The following FAF1 variants were observed in gnomAD, a reference collection of about 807,000 sequenced individuals.
FAF1 encodes the protein Fas associated factor 1, also known as FAS-associated factor 1.
FAF1 carries 25 observed loss-of-function variants against 92.5 expected under a neutral mutation model. The observed-to-expected ratio is 0.27, with a 90% CI of 0.20 to 0.38. FAF1 has a LOEUF of 0.38. Ranked by LOEUF, FAF1 falls within the 10% of genes least tolerant of loss-of-function variation. The pLI, the probability that FAF1 is intolerant of heterozygous loss-of-function variation, is 1.00. For missense variants in FAF1, 636 were observed against 793.3 expected, an observed-to-expected ratio of 0.80 and a Z score of 2.38; for synonymous variants, 234 against 273.2, an observed-to-expected ratio of 0.86 and a Z score of 1.42.
intron 7 of FAF1, among the ~76,000 whole-genome samples, chr1:50,665,394 T>C (rs991088370): frequency 3.3e-5 from 5 of 152,226 alleles, no homozygotes; most frequent in African/African-American, 1.2e-4. Flanking sequence ...TACAAGGATA[T>C]TCATTGCAGC....
intron 7 of FAF1, among the ~76,000 whole-genome samples, chr1:50,692,447 C>T (rs1656980512): frequency 6.6e-6 from 1 of 152,130 alleles, no homozygotes; most frequent in African/African-American, 2.4e-5. Flanking sequence ...TTTCCTCATT[C>T]CTACCCGTCC....
At chr1:50,881,812 A>C (rs2124689263) in intron 1 of FAF1, among the ~76,000 whole-genome samples, 1 of 152,356 alleles carries the variant, frequency 6.6e-6, no homozygotes, top group Non-Finnish European at 1.5e-5. Flanking sequence ...TATAATTTTA[A>C]TGTTGAACTA....
chr1:50,557,405 C>G (rs1160962501), intron 13 of FAF1, among the ~76,000 whole-genome samples: 1 of 152,106 alleles, frequency 6.6e-6, no homozygotes. Flanking sequence ...AGTAGAGAGA[C>G]ACAAACATAT....
At chr1:50,681,674 ATTT>A (rs1211289812) in intron 7 of FAF1, among the ~76,000 whole-genome samples, 5 of 131,976 alleles carry the variant, frequency 3.8e-5, no homozygotes, top group Non-Finnish European at 3.3e-5. Context: ...TGTAATCCCT[ATTT>A]TTTTTTTTTT....
chr1:50,441,574 C>G (rs749918289), intron 18 of FAF1, 51 bp from the exon 19 acceptor site: 2 of 1,058,322 alleles, frequency 1.9e-6, no homozygotes, highest in Non-Finnish European at 2.8e-6. Context: ...GCACTATATT[C>G]TCTACATGGC....
At chr1:50,529,977 C>G (rs559790650) in intron 15 of FAF1, among the ~76,000 whole-genome samples, 46 of 152,200 alleles carry the variant, frequency 3.0e-4, no homozygotes, top group African/African-American at 1.1e-3. Context: ...ATGTAGCTAC[C>G]TTCAGAAAGG....
intron 1 of FAF1, among the ~76,000 whole-genome samples, chr1:50,927,452 T>C (rs577179885): frequency 2.6e-5 from 4 of 152,150 alleles, no homozygotes; most frequent in African/African-American, 9.6e-5. Flanking sequence ...CATGGTGGCA[T>C]GTGCCTGTAG....
At chr1:50,722,389 C>T (rs1403776510) in intron 6 of FAF1, among the ~76,000 whole-genome samples, 4 of 152,162 alleles carry the variant, frequency 2.6e-5, no homozygotes, top group Admixed American at 6.5e-5. Context: ...TGGCTCACGC[C>T]TGTAATCCCA....
At chr1:50,958,198 A>G (rs1645285080) in intron 1 of FAF1, among the ~76,000 whole-genome samples, 1 of 152,234 alleles carries the variant, frequency 6.6e-6, no homozygotes, top group East Asian at 1.9e-4. Flanking sequence ...CCTCAGGCCA[A>G]TCCTAAACCT....
At chr1:50,904,758 T>C (rs918296328) in intron 1 of FAF1, among the ~76,000 whole-genome samples, 2 of 152,178 alleles carry the variant, frequency 1.3e-5, no homozygotes, top group African/African-American at 4.8e-5. Flanking sequence ...TTTCCGTATT[T>C]TGAGCAAAGA....
intron 1 of FAF1, among the ~76,000 whole-genome samples, chr1:50,905,627 G>A (rs1446195972): frequency 1.3e-5 from 2 of 152,174 alleles, no homozygotes; most frequent in Non-Finnish European, 2.9e-5. Context: ...TTTCTCTGAT[G>A]GCCAGTGATG....
At chr1:50,570,163 G>GA (rs1650366034) in intron 12 of FAF1, among the ~76,000 whole-genome samples, 1 of 152,168 alleles carries the variant, frequency 6.6e-6, no homozygotes, top group South Asian at 2.1e-4. Context: ...TAGAGAGACA[G>GA]CTCACCACTT....
rs76581323 is a variant in FAF1 at position 50,723,400 on chromosome 1, A to C, written c.551+15463T>G. Among the ~76,000 whole-genome samples the C allele has an allele frequency of 6.2e-3, 915 of 147,294 alleles. 7 individuals are homozygous for C. The highest frequency in any genetic ancestry group is 8.9e-3 in the South Asian group (42 of 4,706). On this transcript the variant is annotated intron_variant, in intron 6 of 18. Transcript: ENST00000396153. Reference sequence around the variant, plus strand: ...GTGCAACAGAGCAAGACTGTCTCCAAAAAAAAAAAAAAAATAAGTAGGATG... The same window carrying C: ...GTGCAACAGAGCAAGACTGTCTCCACAAAAAAAAAAAAAATAAGTAGGATG...
intron 2 of FAF1, among the ~76,000 whole-genome samples, chr1:50,804,834 A>G (rs1476478659): frequency 2.6e-5 from 4 of 152,174 alleles, no homozygotes; most frequent in Admixed American, 1.3e-4. Flanking sequence ...GTTAAATACA[A>G]CACTCTTACC....
chr1:50,639,972 T>G (rs1654246050), intron 8 of FAF1, among the ~76,000 whole-genome samples: 1 of 151,812 alleles, frequency 6.6e-6, no homozygotes, highest in Non-Finnish European at 1.5e-5. Flanking sequence ...TTGTTGTTAT[T>G]TGTTGTTATA....
chr1:50,629,609 C>A (rs1653669753), intron 8 of FAF1, among the ~76,000 whole-genome samples: 1 of 152,164 alleles, frequency 6.6e-6, no homozygotes, highest in Admixed American at 6.5e-5. Flanking sequence ...AAGAGGTAGC[C>A]TTTAGTCAAA....
At chr1:50,822,055 G>A (rs1644048118) in intron 2 of FAF1, among the ~76,000 whole-genome samples, 1 of 151,174 alleles carries the variant, frequency 6.6e-6, no homozygotes, top group African/African-American at 2.4e-5. Flanking sequence ...GTATATTTTT[G>A]CAGTAGAAAA....
intron 1 of FAF1, among the ~76,000 whole-genome samples, chr1:50,884,605 C>T (rs1644642758): frequency 6.6e-6 from 1 of 151,990 alleles, no homozygotes. Context: ...CTCTCAGACA[C>T]ATCCCCCTTG....
At chr1:50,952,280 G>A (rs901517070) in intron 1 of FAF1, among the ~76,000 whole-genome samples, 3 of 152,220 alleles carry the variant, frequency 2.0e-5, no homozygotes, top group East Asian at 3.9e-4. Flanking sequence ...ACTGGTTTTC[G>A]TATCTTTTTG....
Sources: gnomAD v4.1 joint callset for allele counts (sites outside exome capture counted in the v4.1 genomes callset) on GRCh38, gnomAD v4.1.1 for gene constraint, MANE v1.5 for transcripts, NCBI Gene and HGNC (gene_info 2026-07-23, HGNC 2026-07-21) for gene names.